Variants in DNAH7 observed in about 807,000 individuals in gnomAD.
DNAH7 encodes dynein axonemal heavy chain 7.
DNAH7 carries 397 observed loss-of-function variants against 444.6 expected under a neutral mutation model. That is an observed-to-expected ratio of 0.89 (90% CI 0.82 to 0.97). The LOEUF (loss-of-function observed/expected upper bound fraction) is 0.97, where lower values mean the gene tolerates loss of function less well. Ranked by LOEUF, DNAH7 falls within the 50% of genes least tolerant of loss-of-function variation. DNAH7 has a pLI of 0.00. For missense variants in DNAH7, 4,902 were observed against 4,800.8 expected (o/e 1.02, Z -0.62); for synonymous variants, 1,636 against 1,624.4 (o/e 1.01, Z -0.17).
chr2:195,995,477 G>T, intron 12 of DNAH7: 1 of 351,090 alleles, frequency 2.8e-6, no homozygotes, highest in African/African-American at 2.1e-5. Flanking sequence ...TGCCCTCAGG[G>T]GTTTTGAAAC....
intron 55 of DNAH7, among the ~76,000 whole-genome samples, chr2:195,798,706 G>C (rs895504926): frequency 6.6e-6 from 1 of 151,758 alleles, no homozygotes; most frequent in Non-Finnish European, 1.5e-5. Context: ...ACCACGCCCA[G>C]CTAATTTTTT....
At chr2:195,964,807 C>T (rs1282246132) in intron 17 of DNAH7, among the ~76,000 whole-genome samples, 1 of 150,484 alleles carries the variant, frequency 6.6e-6, no homozygotes, top group Middle Eastern at 3.2e-3. Context: ...ACCCAGGAGG[C>T]AGAGGTTGCA....
At chr2:196,008,922 C>T (rs1694551407) in intron 10 of DNAH7, among the ~76,000 whole-genome samples, 2 of 152,058 alleles carry the variant, frequency 1.3e-5, no homozygotes, top group Admixed American at 1.3e-4. Context: ...TACGCTGTAG[C>T]AGCATGGTTC....
At chr2:195,918,697 T>G (rs995862609) in intron 24 of DNAH7, among the ~76,000 whole-genome samples, 1 of 152,196 alleles carries the variant, frequency 6.6e-6, no homozygotes, top group Non-Finnish European at 1.5e-5. Flanking sequence ...CACTTTGGAA[T>G]ATATATACAT....
intron 12 of DNAH7, chr2:195,994,688 T>C (rs1574974363): frequency 3.9e-6 from 2 of 511,330 alleles, no homozygotes; most frequent in East Asian, 1.0e-4. Context: ...CTGGAGGGGC[T>C]TTCACAACTT....
chr2:195,756,433 GAT>G (rs1694077221), intron 61 of DNAH7, 148 bp from the exon 62 acceptor site: 1 of 667,770 alleles, frequency 1.5e-6, no homozygotes, highest in Admixed American at 3.9e-5. Context: ...AAAAAGTGAA[GAT>G]ATTTGTTTTT....
At chr2:195,778,669 T>G (rs7581800) in intron 58 of DNAH7, among the ~76,000 whole-genome samples, 1 of 64,098 alleles carries the variant, frequency 1.6e-5, no homozygotes, top group Non-Finnish European at 2.7e-5. Flanking sequence ...TATATATATA[T>G]ACACACACAC....
intron 17 of DNAH7, among the ~76,000 whole-genome samples, chr2:195,961,800 G>A (rs1202810459): frequency 6.6e-6 from 1 of 151,538 alleles, no homozygotes; most frequent in Non-Finnish European, 1.5e-5. Context: ...AGGTACTGTG[G>A]AAAATAGAAA....
rs572364428 is a variant in DNAH7, at chr2:195,830,036, G to A, written c.9100+4170C>T. 8.5e-5 allele frequency among the ~76,000 whole-genome samples: 13 copies of A among 152,076 alleles called. No homozygotes were observed. The South Asian group carries it at 1.4e-3, about 17-fold the overall frequency. ...TACCCAGGATGCTCTCTTTAATTTCGTTATTTTATTTTGACTCCTTTAACT... is the reference window on the plus strand; with the variant it reads ...TACCCAGGATGCTCTCTTTAATTTCATTATTTTATTTTGACTCCTTTAACT... On this transcript the variant is annotated intron_variant, in intron 48 of 64. Coordinates refer to ENST00000312428, the MANE Select transcript of DNAH7 (RefSeq NM_018897.3).
At chr2:195,772,284 G>C (rs1694877297) in intron 60 of DNAH7, among the ~76,000 whole-genome samples, 1 of 152,190 alleles carries the variant, frequency 6.6e-6, no homozygotes, top group Non-Finnish European at 1.5e-5. Context: ...ATCTTGCTTT[G>C]AGAAAGCATG....
chr2:196,039,425 C>T (rs148464064), intron 5 of DNAH7, among the ~76,000 whole-genome samples: 197 of 152,094 alleles, frequency 1.3e-3, no homozygotes, highest in African/African-American at 4.5e-3. Flanking sequence ...TAAAAACATA[C>T]CTTAAGGAAA....
At chr2:195,910,816 G>C (rs1229902510) in intron 24 of DNAH7, among the ~76,000 whole-genome samples, 1 of 152,150 alleles carries the variant, frequency 6.6e-6, no homozygotes, top group Non-Finnish European at 1.5e-5. Context: ...GAGAGACAAA[G>C]AAGAGTCAAT....
At chr2:195,947,253 C>A (rs1010264404) in intron 19 of DNAH7, among the ~76,000 whole-genome samples, 4 of 151,588 alleles carry the variant, frequency 2.6e-5, no homozygotes, top group Non-Finnish European at 5.9e-5. Context: ...GCCTTGGCCT[C>A]CCAAAGTGCT....
At position 196,026,895 on chromosome 2, in the gene DNAH7, C is replaced by A. The variant is rs1660963204; in HGVS notation, c.532G>T (p.Ala178Ser). Residue 178 changes from alanine to serine, a missense_variant, in exon 7 of 65, where the codon GCC (alanine) becomes TCC (serine). Ala to Ser is a moderately conservative substitution (Grantham distance 99, BLOSUM62 1). Transcript: ENST00000312428. ...IHHGIDTDHV[A>S]PMEDSWLEHV... The stretch of plus-strand genomic sequence containing the variant: ...TCTAGCCAAGAATCTTCCATTGGGG[C>A]TACATGGTCTGTATCAATTCCATGG... 6.2e-7 allele frequency: 1 copy of A among 1,611,966 alleles called. No individual in the cohort carries two copies. Among genetic ancestry groups the A allele is most frequent in the Admixed American group, 1.7e-5 (1 of 59,920 alleles).
chr2:195,950,627 T>A (rs998074216), intron 19 of DNAH7, among the ~76,000 whole-genome samples: 4 of 151,922 alleles, frequency 2.6e-5, no homozygotes, highest in Non-Finnish European at 5.9e-5. Context: ...AGCGGGCAGA[T>A]CACAAGGTCA....
At chr2:195,920,735 A>G (rs538429377) in intron 24 of DNAH7, among the ~76,000 whole-genome samples, 6 of 152,374 alleles carry the variant, frequency 3.9e-5, no homozygotes, top group Non-Finnish European at 7.3e-5. Flanking sequence ...TAATTAAACT[A>G]AAAAGCTTCT....
rs182884374 is a variant in DNAH7 at position 195,820,534 on chromosome 2, A to C, written c.9292-2705T>G. Among the ~76,000 whole-genome samples, 76 of 152,200 alleles carry C rather than the reference A, an allele frequency of 5.0e-4. 1 individual carries two copies. The highest frequency in any genetic ancestry group is 4.6e-3 in the Admixed American group (70 of 15,282). On this transcript the variant is annotated intron_variant, in intron 49 of 64. Coordinates refer to ENST00000312428, the MANE Select transcript of DNAH7 (RefSeq NM_018897.3). ...TACAAAAATTTCAGCAACTACCACA[A>C]ATCATCAGAGGTGACTCAGTGTTTG...
rs1359634448 is a variant in DNAH7 at position 195,738,082 on chromosome 2, T to A, written c.11914A>T (p.Ser3972Cys). The A allele has an allele frequency of 1.7e-5, 28 of 1,613,936 alleles. No individual in the cohort carries two copies. Among genetic ancestry groups the A allele is most frequent in the Non-Finnish European group, 2.4e-5 (28 of 1,179,842 alleles). ...GTCTTATACAATGGAGCAACATAAC[T>A]TGGCCGTTTTGGTATATCTGCCCTC... Reference protein sequence around the residue: ...CKRADIPKRPSYVAPLYKTSE... With the variant: ...CKRADIPKRPCYVAPLYKTSE... The change falls in exon 65 of 65, where the codon AGT (serine) becomes TGT (cysteine). Residue 3972 changes from serine to cysteine, a missense_variant. By Grantham distance (112) the Ser-to-Cys change is moderately radical. Coordinates refer to ENST00000312428, the MANE Select transcript of DNAH7 (RefSeq NM_018897.3).
chr2:195,781,573 CA>C lies in DNAH7; in HGVS notation c.10879-3589del, dbSNP rs576269076. On this transcript the variant is annotated intron_variant, in intron 58 of 64. Transcript: ENST00000312428. Reference sequence around the variant, plus strand: ...GTTCCTTGTTACAAGAGGGTTGAGACAATGAGCAGCAGGAGAGAGTAGGTGA... The same window carrying C: ...GTTCCTTGTTACAAGAGGGTTGAGACATGAGCAGCAGGAGAGAGTAGGTGA... Among the ~76,000 whole-genome samples, 550 of 152,186 alleles carry C rather than the reference CA, an allele frequency of 3.6e-3. 5 individuals carry two copies. Among genetic ancestry groups the C allele is most frequent in the African/African-American group, 0.012 (517 of 41,518 alleles).
Sources: allele counts gnomAD v4.1 joint callset (sites outside exome capture counted in the v4.1 genomes callset), GRCh38; gene constraint gnomAD v4.1.1; transcripts MANE v1.5; gene names NCBI Gene and HGNC (gene_info 2026-07-23, HGNC 2026-07-21).